The following NFIB variants were observed in gnomAD, a reference collection of about 807,000 sequenced individuals.
The protein encoded by NFIB is nuclear factor 1 B-type.
NFIB carries 11 observed loss-of-function variants against 61.5 expected under a neutral mutation model. The observed-to-expected ratio is 0.18, with a 90% confidence interval of 0.11 to 0.30. NFIB has a LOEUF of 0.30. NFIB is among the 10% of genes least tolerant of loss of function. NFIB has a pLI of 1.00. For synonymous variants in NFIB, 260 were observed against 216.5 expected (o/e 1.20, Z -1.76); for missense variants, 471 against 608.9 (o/e 0.77, Z 2.38).
chr9:14,247,771 T>G (rs903755913), intron 2 of NFIB, among the ~76,000 whole-genome samples: 12 of 152,174 alleles, frequency 7.9e-5, no homozygotes, highest in Non-Finnish European at 1.3e-4. Flanking sequence ...CAGTAATTAG[T>G]GGGTACTCTG....
intron 2 of NFIB, among the ~76,000 whole-genome samples, chr9:14,295,363 T>G (rs1923779): frequency 6.6e-6 from 1 of 151,928 alleles, no homozygotes; most frequent in Non-Finnish European, 1.5e-5. Flanking sequence ...CGGTGGCTCA[T>G]GCCTGTAATC....
At chr9:14,262,844 G>C (rs557279999) in intron 2 of NFIB, among the ~76,000 whole-genome samples, 3 of 152,186 alleles carry the variant, frequency 2.0e-5, no homozygotes, top group African/African-American at 4.8e-5. Context: ...CATGAAACTG[G>C]CAAGTTTTGA....
At chr9:14,279,414 C>A (rs1220797089) in intron 2 of NFIB, among the ~76,000 whole-genome samples, 1 of 152,094 alleles carries the variant, frequency 6.6e-6, no homozygotes, top group Non-Finnish European at 1.5e-5. Context: ...TTACCTAAGA[C>A]TTGACCACCT....
At chr9:14,330,253 TA>T (rs1442937831) in intron 1 of NFIB, among the ~76,000 whole-genome samples, 1 of 152,174 alleles carries the variant, frequency 6.6e-6, no homozygotes, top group African/African-American at 2.4e-5. Context: ...AGTACCTAAC[TA>T]AAAAGTTAAA....
intron 10 of NFIB, among the ~76,000 whole-genome samples, chr9:14,108,641 G>C (rs918036022): frequency 2.6e-5 from 4 of 152,064 alleles, no homozygotes; most frequent in Non-Finnish European, 5.9e-5. Context: ...CCATGCAACT[G>C]TGAGAAGTAA....
intron 2 of NFIB, among the ~76,000 whole-genome samples, chr9:14,190,704 GATAAA>G (rs1441155170): frequency 6.6e-6 from 1 of 152,100 alleles, no homozygotes; most frequent in African/African-American, 2.4e-5. Flanking sequence ...CAATTATACT[GATAAA>G]ATAAAAACAA....
At chr9:14,255,263 C>A (rs1014095465) in intron 2 of NFIB, among the ~76,000 whole-genome samples, 3 of 152,102 alleles carry the variant, frequency 2.0e-5, no homozygotes, top group African/African-American at 4.8e-5. Flanking sequence ...CTTGGCTGAA[C>A]CATGAGGAGT....
chr9:14,090,309 G>A (rs750758746), intron 10 of NFIB, among the ~76,000 whole-genome samples: 1 of 152,092 alleles, frequency 6.6e-6, no homozygotes, highest in East Asian at 1.9e-4. Context: ...CTTTTACTAA[G>A]CAGCTTAACT....
At chr9:14,190,066 G>A (rs2047780775) in intron 2 of NFIB, among the ~76,000 whole-genome samples, 1 of 151,824 alleles carries the variant, frequency 6.6e-6, no homozygotes, top group Non-Finnish European at 1.5e-5. Flanking sequence ...TTTTAAATTG[G>A]ATACAGATTT....
Position 14,154,254 on chromosome 9 carries a change from T to A in NFIB, c.685+1571A>T, listed in dbSNP as rs189686669. On this transcript the variant is annotated intron_variant, in intron 4 of 10. Transcript: ENST00000380953. The stretch of plus-strand genomic sequence containing the variant: ...AAATAAATATTTTCTGACAGCTGAC[T>A]CTACTGCCCTACTCCTAAGAAGGAT... 2.2e-3 allele frequency among the ~76,000 whole-genome samples: 338 copies of A among 152,232 alleles called. 3 individuals carry two copies. Among genetic ancestry groups the A allele is most frequent in the African/African-American group, 7.4e-3 (309 of 41,562 alleles).
upstream of NFIB, among the ~76,000 whole-genome samples, chr9:14,401,878 G>A (rs1215411647): frequency 2.0e-5 from 3 of 151,566 alleles, no homozygotes; most frequent in Non-Finnish European, 4.4e-5. Flanking sequence ...GAGACTGGTG[G>A]GCCAGAAATC....
At chr9:14,403,271 A>G (rs2061759757), upstream of NFIB, among the ~76,000 whole-genome samples, 3 of 152,218 alleles carry the variant, frequency 2.0e-5, no homozygotes, top group Admixed American at 6.5e-5. Context: ...TTCAGAATAC[A>G]GCCTTGTCTC....
Position 14,116,242 on chromosome 9 carries a change from C to T in NFIB, c.1350G>A (p.Met450Ile), listed in dbSNP as rs1487550405. ...ATGTAGTGATGGGTTTAGTATCTGT[C>T]ATGCTCAGGGTCACAGGTCGCACTG... ...PSAVRPVTLS[M>I]TDTKPITTST... is the part of the protein sequence containing the mutation. The change falls in exon 9 of 11, where the codon ATG becomes ATA. Residue 450 changes from methionine (M) to isoleucine (I), a missense_variant. Met to Ile is a conservative substitution (Grantham distance 10). Around this residue, in one of 2 missense-constraint regions of NFIB, gnomAD observed 372 missense variants for 395.6 expected, o/e 0.94. Transcript: ENST00000380953. 6.5e-7 allele frequency: 1 copy of T among 1,537,408 alleles called. No homozygotes were observed. The highest frequency in any genetic ancestry group is 1.2e-5 in the South Asian group (1 of 81,688).
intron 10 of NFIB, among the ~76,000 whole-genome samples, chr9:14,112,616 C>T (rs2037540089): frequency 6.6e-6 from 1 of 152,150 alleles, no homozygotes; most frequent in Admixed American, 6.5e-5. Context: ...TAAGAAATCA[C>T]TCAAAAACTC....
At chr9:14,233,225 A>G (rs1172367895) in intron 2 of NFIB, among the ~76,000 whole-genome samples, 1 of 152,172 alleles carries the variant, frequency 6.6e-6, no homozygotes, top group African/African-American at 2.4e-5. Context: ...ATTGCCTTAA[A>G]TATTTTATTT....
intron 6 of NFIB, among the ~76,000 whole-genome samples, chr9:14,136,336 T>C (rs2041042849): frequency 6.6e-6 from 1 of 152,140 alleles, no homozygotes; most frequent in Non-Finnish European, 1.5e-5. Context: ...CGTCACTTAT[T>C]AAACACTGGC....
At chr9:14,468,816 T>C in the NFIB span, among the ~76,000 whole-genome samples, 1 of 152,236 alleles carries the variant, frequency 6.6e-6, no homozygotes, top group African/African-American at 2.4e-5. Flanking sequence ...CACTCACTGA[T>C]AGGTGAGGGA....
At chr9:14,174,908 T>C (rs1039258845) in intron 3 of NFIB, among the ~76,000 whole-genome samples, 10 of 152,164 alleles carry the variant, frequency 6.6e-5, no homozygotes, top group Non-Finnish European at 1.3e-4. Flanking sequence ...CGAATTTATC[T>C]GCCTTTATGT....
the NFIB span, among the ~76,000 whole-genome samples, chr9:14,481,258 T>C: frequency 1.7e-4 from 22 of 129,460 alleles, no homozygotes; most frequent in Non-Finnish European, 2.8e-4. Flanking sequence ...AGCTTCATGG[T>C]TGGGGTAACT....
Sources: gnomAD v4.1 joint callset for allele counts (sites outside exome capture counted in the v4.1 genomes callset) on GRCh38, gnomAD v4.1.1 for gene constraint, gnomAD v4.1.1 regional missense constraint, MANE v1.5 for transcripts, NCBI Gene and HGNC (gene_info 2026-07-23, HGNC 2026-07-21) for gene names.